KDM2A: variants seen among roughly 807,000 people sequenced by gnomAD.
KDM2A encodes lysine demethylase 2A.
KDM2A carries 3 observed loss-of-function variants against 137.3 expected under a neutral mutation model. The observed-to-expected ratio is 0.02, with a 90% CI of 0.01 to 0.06. The LOEUF is 0.06. Ranked by LOEUF, KDM2A falls within the 10% of genes least tolerant of loss-of-function variation. The probability of loss-of-function intolerance (pLI) is 1.00; values close to 1 mark genes in which losing one functional copy is unlikely to be tolerated. For synonymous variants in KDM2A, 512 were observed against 541.5 expected, an observed-to-expected ratio of 0.95 and a Z score of 0.76; for missense variants, 738 against 1,510.6, an observed-to-expected ratio of 0.49 and a Z score of 8.48.
At position 67,250,203 on chromosome 11, in the gene KDM2A, C is replaced by T; in HGVS notation, c.2173C>T (p.Leu725Phe). The change falls in exon 17 of 21, where the codon CTC becomes TTC. Residue 725 changes from leucine to phenylalanine, a missense_variant. Leu to Phe is a conservative substitution (Grantham distance 22, BLOSUM62 0). Coordinates refer to ENST00000529006, the MANE Select transcript of KDM2A (RefSeq NM_012308.3). This position sits in a 1 kb window ranked among gnomAD's most constrained non-coding sequence, Gnocchi z 7.1. ...PPHSPTSMLQLIHDPVSPRGM... is the reference protein window; with the variant it reads ...PPHSPTSMLQFIHDPVSPRGM... ...TCATTCACCCACTTCCATGCTGCAG[C>T]TCATCCATGACCCGGTTTCCCCCCG... The T allele has an allele frequency of 1.9e-6, 3 of 1,613,910 alleles. No homozygotes were observed. The highest frequency in any genetic ancestry group is 1.3e-5 in the African/African-American group (1 of 75,034).
chr11:67,124,338 G>GA (rs2136276972), intron 2 of KDM2A, among the ~76,000 whole-genome samples: 1 of 151,032 alleles, frequency 6.6e-6, no homozygotes, highest in East Asian at 2.0e-4. Flanking sequence ...TTGAAATGGA[G>GA]ACTCACTCTG....
intron 2 of KDM2A, among the ~76,000 whole-genome samples, chr11:67,154,235 C>G (rs1162849453): frequency 6.6e-6 from 1 of 152,126 alleles, no homozygotes; most frequent in Non-Finnish European, 1.5e-5. Context: ...TTTGTACAGC[C>G]CATCCAATAA....
intron 2 of KDM2A, among the ~76,000 whole-genome samples, chr11:67,147,237 G>A (rs796352269): frequency 6.6e-6 from 1 of 152,044 alleles, no homozygotes; most frequent in African/African-American, 2.4e-5. Flanking sequence ...GGAATGGTCA[G>A]GTTAAAAGAT....
chr11:67,250,094 A>G lies in KDM2A; in HGVS notation c.2064A>G (p.Lys688=), dbSNP rs1270144840. The G allele has an allele frequency of 1.3e-6, 2 of 1,579,364 alleles. No homozygotes were observed. The highest frequency in any genetic ancestry group is 4.5e-5 in the East Asian group (2 of 44,474). Residue 688 remains lysine (K), a synonymous_variant, in exon 17 of 21, where the codon AAA becomes AAG. Coordinates refer to ENST00000529006, the MANE Select transcript of KDM2A (RefSeq NM_012308.3). The surrounding 1 kb of genome is among the most constrained non-coding windows in gnomAD (Gnocchi z 7.1). Reference sequence around the variant, plus strand: ...CTGGGCCTGTTTTGCAGAAGCGGAAAATGGAAGAGAGTGACGAAGAAGCTG... The same window carrying G: ...CTGGGCCTGTTTTGCAGAAGCGGAAGATGGAAGAGAGTGACGAAGAAGCTG... ...EDSSEKAQKR[K]MEESDEEAVQ...
At chr11:67,198,485 G>A (rs1821001416) in intron 5 of KDM2A, among the ~76,000 whole-genome samples, 1 of 152,006 alleles carries the variant, frequency 6.6e-6, no homozygotes, top group Admixed American at 6.6e-5. Context: ...CACTTTGGGA[G>A]GCCGAGGCGG....
At chr11:67,141,268 C>T (rs959329215) in intron 2 of KDM2A, among the ~76,000 whole-genome samples, 4 of 152,024 alleles carry the variant, frequency 2.6e-5, no homozygotes, top group African/African-American at 9.7e-5. Context: ...TTATTAGATG[C>T]ATAGATTGTA....
intron 2 of KDM2A, among the ~76,000 whole-genome samples, chr11:67,133,083 T>G (rs1348766124): frequency 6.6e-6 from 1 of 152,114 alleles, no homozygotes; most frequent in Non-Finnish European, 1.5e-5. Context: ...TCTTACCAAT[T>G]GTGCTTTTAT....
chr11:67,157,802 C>T (rs925224766), intron 2 of KDM2A, among the ~76,000 whole-genome samples: 2 of 150,942 alleles, frequency 1.3e-5, no homozygotes, highest in Admixed American at 6.6e-5. Flanking sequence ...AACTGATGAA[C>T]CAATAATGAT....
intron 2 of KDM2A, among the ~76,000 whole-genome samples, chr11:67,143,619 TTTTATTTATTTA>T (rs959623132): frequency 2.6e-5 from 4 of 151,838 alleles, no homozygotes; most frequent in African/African-American, 4.8e-5. Flanking sequence ...GTCTTTCTCT[TTTTATTTATTTA>T]TTTATTTATT....
chr11:67,160,892 G>T (rs11227722), intron 2 of KDM2A, among the ~76,000 whole-genome samples: 3,445 of 152,326 alleles, frequency 0.023, 47 homozygotes, highest in East Asian at 0.055. Flanking sequence ...AGAATTGCTT[G>T]AGCCCAGGAG....
In KDM2A at chr11:67,119,481, G is replaced by A. The variant is rs1164607181; in HGVS notation, c.-652G>A. ...GCCCATCCCCCGGAATCCCTCTTCTGCGACTGGGGAGTAGCCGGGGGGCTC... is the reference window on the plus strand; with the variant it reads ...GCCCATCCCCCGGAATCCCTCTTCTACGACTGGGGAGTAGCCGGGGGGCTC... On this transcript the variant is annotated 5_prime_UTR_variant, in exon 1 of 21. Coordinates refer to ENST00000529006, the MANE Select transcript of KDM2A (RefSeq NM_012308.3). 2.0e-5 allele frequency: 3 copies of A among 153,008 alleles called. No individual in the cohort carries two copies. Among genetic ancestry groups the A allele is most frequent in the Admixed American group, 6.5e-5 (1 of 15,272 alleles). 9.5% of individuals were successfully genotyped at this position (153,008 alleles called of 1,614,324 possible). A position where few individuals can be genotyped will look rare whatever the true frequency, so the allele number is the denominator to read the frequency against.
At chr11:67,201,809 G>T in intron 5 of KDM2A, among the ~76,000 whole-genome samples, 1 of 111,060 alleles carries the variant, frequency 9.0e-6, no homozygotes, top group African/African-American at 4.3e-5. Flanking sequence ...AAAAAAATTA[G>T]CCATGCTTGG....
chr11:67,148,617 A>G (rs951483605), intron 2 of KDM2A, among the ~76,000 whole-genome samples: 2 of 152,034 alleles, frequency 1.3e-5, no homozygotes, highest in African/African-American at 4.8e-5. Flanking sequence ...CCTGGCTAAC[A>G]TGGTGAAACA....
At chr11:67,233,661 C>T (rs1858788201) in intron 12 of KDM2A, among the ~76,000 whole-genome samples, 1 of 139,824 alleles carries the variant, frequency 7.2e-6, no homozygotes, top group Non-Finnish European at 1.5e-5. Context: ...TCAACAACAA[C>T]AACAACAAAT....
intron 2 of KDM2A, among the ~76,000 whole-genome samples, chr11:67,165,924 T>G (rs1856732159): frequency 6.6e-6 from 1 of 152,150 alleles, no homozygotes; most frequent in Admixed American, 6.6e-5. Flanking sequence ...GTATAATACT[T>G]TCATTAATCC....
At chr11:67,186,078 A>G (rs1254864077) in intron 5 of KDM2A, among the ~76,000 whole-genome samples, 1 of 152,154 alleles carries the variant, frequency 6.6e-6, no homozygotes, top group Non-Finnish European at 1.5e-5. Context: ...GAGAGAATAT[A>G]TATTTGATCA....
Position 67,215,762 on chromosome 11 carries a change from A to G in KDM2A, c.594-94A>G, listed in dbSNP as rs1229362926. On this transcript the variant is annotated intron_variant, in intron 7 of 20. Coordinates refer to ENST00000529006, the MANE Select transcript of KDM2A (RefSeq NM_012308.3). ...TGGAACTTAAGATTAAGTGGAAGAT[A>G]AAGGGAGTATATAAGAGGAGAGTAT... The G allele has an allele frequency of 4.7e-6, 4 of 852,402 alleles. No individual in the cohort carries two copies. In the African/African-American group the frequency reaches 6.7e-5, roughly 14 times the overall value. 52.8% of individuals were successfully genotyped at this position (852,402 alleles called of 1,614,324 possible).
chr11:67,255,463 C>T lies in KDM2A; in HGVS notation c.*408C>T, dbSNP rs944189263. On this transcript the variant is annotated 3_prime_UTR_variant, in exon 21 of 21. Coordinates refer to ENST00000529006, the MANE Select transcript of KDM2A (RefSeq NM_012308.3). ...AGCAAACTCCCAGGGAAGAAAACGG[C>T]CCTGTCTCCATGGCCAGGTTCTTGT... 1 of 459,798 alleles carries T rather than the reference C, an allele frequency of 2.2e-6. No individual in the cohort carries two copies. Among genetic ancestry groups the T allele is most frequent in the South Asian group, 1.5e-5 (1 of 64,596 alleles). The allele number at this position is 459,798 out of a possible 1,614,324, so 28.5% of individuals were successfully genotyped here.
chr11:67,157,942 CATTGTT>C (rs1419744072), intron 2 of KDM2A, among the ~76,000 whole-genome samples: 1 of 152,054 alleles, frequency 6.6e-6, no homozygotes, highest in Non-Finnish European at 1.5e-5. Flanking sequence ...GAGAGAGATA[CATTGTT>C]ATTTAACTAT....
Sources: gnomAD v4.1 joint callset for allele counts (sites outside exome capture counted in the v4.1 genomes callset) on GRCh38, gnomAD v4.1.1 for gene constraint, Gnocchi (gnomAD v3.1) non-coding constraint, MANE v1.5 for transcripts, NCBI Gene and HGNC (gene_info 2026-07-23, HGNC 2026-07-21) for gene names.